ZBTB10: variants seen among roughly 807,000 people sequenced by gnomAD.
ZBTB10 encodes zinc finger and BTB domain containing 10.
In ZBTB10, 32 loss-of-function variants were observed where a neutral mutation model predicts 76.4. The observed-to-expected ratio is 0.42, with a 90% CI of 0.32 to 0.56. The LOEUF (loss-of-function observed/expected upper bound fraction) is 0.56, where lower values mean the gene tolerates loss of function less well. Ranked by LOEUF, ZBTB10 falls within the 20% of genes least tolerant of loss-of-function variation. The pLI is 0.14. For missense variants in ZBTB10, 1,057 were observed against 1,098.5 expected, an observed-to-expected ratio of 0.96 and a Z score of 0.53; for synonymous variants, 523 against 432.9, an observed-to-expected ratio of 1.21 and a Z score of -2.58.
intron 2 of ZBTB10, among the ~76,000 whole-genome samples, chr8:80,508,755 G>C (rs1315668883): frequency 6.6e-6 from 1 of 152,124 alleles, no homozygotes; most frequent in East Asian, 1.9e-4. Flanking sequence ...TAGAAAAGGG[G>C]TAGTGTTGTG....
intron 2 of ZBTB10, among the ~76,000 whole-genome samples, chr8:80,503,034 G>A (rs893048758): frequency 1.3e-5 from 2 of 152,136 alleles, no homozygotes; most frequent in Non-Finnish European, 2.9e-5. Flanking sequence ...GTAATTTTAT[G>A]AGTTAAGGCT....
At position 80,499,958 on chromosome 8, in the gene ZBTB10, T is replaced by C; in HGVS notation, c.1437T>C (p.Tyr479=). 1.2e-6 allele frequency: 2 copies of C among 1,613,906 alleles called. No homozygotes were observed. The highest frequency in any genetic ancestry group is 8.5e-7 in the Non-Finnish European group (1 of 1,179,864). ...SEAPESVVVD[Y]NNRKPVNRDG... is the part of the protein sequence containing the mutation. ...CTCCAGAGTCTGTAGTTGTGGACTA[T>C]AATAATAGAAAACCAGTTAATAGAG... Residue 479 remains tyrosine, a synonymous_variant, in exon 2 of 6, where the codon TAT becomes TAC. Transcript: ENST00000455036.
upstream of ZBTB10, chr8:80,485,989 C>A (rs1815436393): frequency 1.7e-6 from 2 of 1,181,002 alleles, no homozygotes; most frequent in African/African-American, 1.6e-5. Context: ...CCCTGAGACC[C>A]CCAGCCCGCC....
intron 2 of ZBTB10, 105 bp downstream of exon 2, chr8:80,500,487 C>A: frequency 8.4e-7 from 1 of 1,187,200 alleles, no homozygotes; most frequent in Non-Finnish European, 1.1e-6. Flanking sequence ...TAAAGTAATA[C>A]TAAAGTTGTT....
chr8:80,497,588 G>A (rs1044164164), intron 1 of ZBTB10, among the ~76,000 whole-genome samples: 1 of 151,396 alleles, frequency 6.6e-6, no homozygotes, highest in Non-Finnish European at 1.5e-5. Flanking sequence ...TCTACTTTGT[G>A]TGCTTCATTC....
At position 80,518,867 on chromosome 8, in the gene ZBTB10, G is replaced by A; in HGVS notation, c.2223G>A (p.Leu741=). ...AKYRRTLKRH[L]LIHTGVRSFS... ...ACAGACGAACACTAAAAAGGCACTT[G>A]CTCATTCACACAGGAGTGAGATCAT... Residue 741 remains leucine, a synonymous_variant, in exon 5 of 6, where the codon TTG becomes TTA. Coordinates refer to ENST00000455036, the MANE Select transcript of ZBTB10 (RefSeq NM_001105539.3). The A allele has an allele frequency of 6.2e-7, 1 of 1,612,064 alleles. No individual in the cohort carries two copies. Among genetic ancestry groups the A allele is most frequent in the East Asian group, 2.2e-5 (1 of 44,796 alleles).
In ZBTB10 at chr8:80,486,810, C is replaced by G. The variant is rs763742396; in HGVS notation, c.-1C>G. 1 of 1,440,216 alleles carries G rather than the reference C, an allele frequency of 6.9e-7. No individual in the cohort carries two copies. Among genetic ancestry groups the G allele is most frequent in the South Asian group, 1.4e-5 (1 of 70,676 alleles). 89.2% of individuals were successfully genotyped at this position (1,440,216 alleles called of 1,614,324 possible). A position where few individuals can be genotyped will look rare whatever the true frequency, so the allele number is the denominator to read the frequency against. On this transcript the variant is annotated 5_prime_UTR_variant, in exon 1 of 6. Transcript: ENST00000455036. ...GGGCGGCGGCGGCGGCGGCGCGCGC[C>G]ATGTCGTTCAGTGAAATGAACCGCA...
intron 2 of ZBTB10, among the ~76,000 whole-genome samples, chr8:80,513,554 A>G (rs999268306): frequency 1.3e-5 from 2 of 152,238 alleles, no homozygotes; most frequent in South Asian, 4.1e-4. Flanking sequence ...TTGAGCGTCA[A>G]GTACCATAAT....
chr8:80,509,992 C>T (rs971867755), intron 2 of ZBTB10, among the ~76,000 whole-genome samples: 1 of 152,020 alleles, frequency 6.6e-6, no homozygotes, highest in Non-Finnish European at 1.5e-5. Flanking sequence ...ATTTAAAATG[C>T]AATACATGGT....
chr8:80,513,282 A>G (rs1239041362), intron 2 of ZBTB10, among the ~76,000 whole-genome samples: 1 of 152,060 alleles, frequency 6.6e-6, no homozygotes, highest in East Asian at 1.9e-4. Context: ...AGCTGGGACT[A>G]CAGGTGTGTG....
upstream of ZBTB10, chr8:80,485,895 C>T: frequency 6.5e-7 from 1 of 1,534,940 alleles, no homozygotes; most frequent in Non-Finnish European, 8.7e-7. Context: ...TGCGTGTGGG[C>T]AGCGGGGAGG....
intron 2 of ZBTB10, among the ~76,000 whole-genome samples, chr8:80,509,362 A>G (rs1816135618): frequency 1.3e-5 from 2 of 152,132 alleles, no homozygotes; most frequent in African/African-American, 4.8e-5. Context: ...CTTCTTTCCC[A>G]GGGTCTTGTC....
Position 80,486,257 on chromosome 8 carries a change from C to G in ZBTB10, c.-554C>G. On this transcript the variant is annotated 5_prime_UTR_variant, in exon 1 of 6. Coordinates refer to ENST00000455036, the MANE Select transcript of ZBTB10 (RefSeq NM_001105539.3). Reference sequence around the variant, plus strand: ...CATTCGACCTCCGCCAGGGCCTGGTCGGACGGAAACGCTCCGCCGGCTTTA... The same window carrying G: ...CATTCGACCTCCGCCAGGGCCTGGTGGGACGGAAACGCTCCGCCGGCTTTA... 1 of 1,022,214 alleles carries G rather than the reference C, an allele frequency of 9.8e-7. No individual in the cohort carries two copies. Among genetic ancestry groups the G allele is most frequent in the Non-Finnish European group, 1.2e-6 (1 of 855,248 alleles). The allele number at this position is 1,022,214 out of a possible 1,614,324, so 63.3% of individuals were successfully genotyped here.
chr8:80,520,891 C>T lies in ZBTB10; in HGVS notation c.*1363C>T, dbSNP rs570855100. ...TTGTGGAACTCTCAGCAGCATTTCA[C>T]GTATTGTTAACATGTATGGCATTTA... On this transcript the variant is annotated 3_prime_UTR_variant, in exon 6 of 6. Transcript: ENST00000455036. 2 of 151,882 alleles carry T rather than the reference C, an allele frequency of 1.3e-5. No homozygotes were observed. The highest frequency in any genetic ancestry group is 1.9e-4 in the East Asian group (1 of 5,182). 9.4% of individuals were successfully genotyped at this position (151,882 alleles called of 1,614,324 possible). A position where few individuals can be genotyped will look rare whatever the true frequency, so the allele number is the denominator to read the frequency against.
upstream of ZBTB10, chr8:80,486,175 T>C (rs1234727369): frequency 2.8e-6 from 2 of 726,948 alleles, no homozygotes; most frequent in Non-Finnish European, 3.5e-6. Context: ...CCTTTCCCCC[T>C]CCAGCGGTTA....
At chr8:80,514,055 T>C in intron 3 of ZBTB10, 47 bp downstream of exon 3, 1 of 1,522,400 alleles carries the variant, frequency 6.6e-7, no homozygotes, top group East Asian at 2.3e-5. Context: ...GATTGGGAAG[T>C]GTTACATCTT....
intron 2 of ZBTB10, among the ~76,000 whole-genome samples, chr8:80,510,821 A>G (rs531908022): frequency 2.6e-5 from 4 of 152,292 alleles, no homozygotes; most frequent in South Asian, 4.1e-4. Flanking sequence ...CCATAGGAAG[A>G]TGCTGGATAT....
In ZBTB10 at chr8:80,522,136, T is replaced by C. The variant is rs896258799; in HGVS notation, c.*2608T>C. ...TTCCCATCTAGATCTTTTAAAAAAA[T>C]AGTTTTAGTACTAAGGTATACTACT... On this transcript the variant is annotated 3_prime_UTR_variant, in exon 6 of 6. Coordinates refer to ENST00000455036, the MANE Select transcript of ZBTB10 (RefSeq NM_001105539.3). 3.3e-5 allele frequency: 5 copies of C among 151,930 alleles called. No individual in the cohort carries two copies. Among genetic ancestry groups the C allele is most frequent in the African/African-American group, 1.2e-4 (5 of 41,446 alleles). The allele number at this position is 151,930 out of a possible 1,614,324, so 9.4% of individuals were successfully genotyped here. A position where few individuals can be genotyped will look rare whatever the true frequency, so the allele number is the denominator to read the frequency against.
At chr8:80,514,094 A>G (rs1031938856) in intron 3 of ZBTB10, 86 bp downstream of exon 3, 21 of 1,209,030 alleles carry the variant, frequency 1.7e-5, no homozygotes, top group Non-Finnish European at 2.4e-5. Context: ...TTTCTCTTCC[A>G]TAAGGGGGTT....
Sources: gnomAD v4.1 joint callset for allele counts (sites outside exome capture counted in the v4.1 genomes callset) on GRCh38, gnomAD v4.1.1 for gene constraint, MANE v1.5 for transcripts, NCBI Gene and HGNC (gene_info 2026-07-23, HGNC 2026-07-21) for gene names.